Variants in YAF2 observed in about 807,000 individuals in gnomAD.
YAF2 encodes the protein YY1 associated factor 2, also known as YY1-associated factor 2.
YAF2 carries 7 observed loss-of-function variants against 20.1 expected under a neutral mutation model. The ratio of observed to expected loss-of-function variants is 0.35; its 90% CI spans 0.20 to 0.65. YAF2 has a LOEUF of 0.65. Among genes scored for constraint, YAF2 ranks in the 30% least tolerant of loss-of-function variants. The pLI, the probability that YAF2 is intolerant of heterozygous loss-of-function variation, is 0.69. For synonymous variants in YAF2, 74 were observed against 76.0 expected (o/e 0.97, Z 0.14); for missense variants, 151 against 219.2 (o/e 0.69, Z 1.96).
intron 2 of YAF2, among the ~76,000 whole-genome samples, chr12:42,176,275 T>C (rs113943409): frequency 4.4e-4 from 66 of 150,516 alleles, no homozygotes; most frequent in Non-Finnish European, 8.7e-4. Context: ...GAGTGCACCA[T>C]CACGCCAGCT....
chr12:42,204,876 C>T (rs1381728153), intron 2 of YAF2, among the ~76,000 whole-genome samples: 1 of 151,978 alleles, frequency 6.6e-6, no homozygotes, highest in Non-Finnish European at 1.5e-5. Flanking sequence ...GGCCAATCTA[C>T]AGAAATAAAA....
chr12:42,215,768 C>CA (rs1444652506), intron 2 of YAF2, among the ~76,000 whole-genome samples: 1 of 151,490 alleles, frequency 6.6e-6, no homozygotes, highest in Middle Eastern at 3.2e-3. Context: ...CTAAAAACAC[C>CA]AAAAAACATT....
At chr12:42,209,849 A>T (rs1364958542) in intron 2 of YAF2, among the ~76,000 whole-genome samples, 5 of 152,182 alleles carry the variant, frequency 3.3e-5, no homozygotes. Flanking sequence ...CCCAGGTTGG[A>T]GTGCAATGGC....
intron 2 of YAF2, chr12:42,199,528 G>T: frequency 5.4e-6 from 1 of 186,370 alleles, no homozygotes; most frequent in Admixed American, 5.8e-5. Context: ...AGGATGAAAT[G>T]AAATAGTACC....
intron 2 of YAF2, among the ~76,000 whole-genome samples, chr12:42,229,421 TAA>T (rs58885852): frequency 1.0e-3 from 149 of 143,276 alleles, no homozygotes; most frequent in East Asian, 3.0e-3. Flanking sequence ...AAAAATAAAT[TAA>T]AAAAAAAAAA....
intron 2 of YAF2, among the ~76,000 whole-genome samples, chr12:42,188,383 C>CCT (rs2066527191): frequency 1.7e-5 from 2 of 118,856 alleles, no homozygotes; most frequent in South Asian, 5.4e-4. Flanking sequence ...ATATATTTTG[C>CCT]TTTTTTTTTT....
At chr12:42,202,867 C>T (rs2066936708) in intron 2 of YAF2, among the ~76,000 whole-genome samples, 1 of 152,076 alleles carries the variant, frequency 6.6e-6, no homozygotes, top group Admixed American at 6.5e-5. Context: ...GAACTCCTGA[C>T]CTAAGGTGAT....
At chr12:42,165,777 T>G (rs939939864) in intron 2 of YAF2, among the ~76,000 whole-genome samples, 1 of 98,728 alleles carries the variant, frequency 1.0e-5, no homozygotes, top group South Asian at 4.0e-4. Flanking sequence ...GGCCAGGTTT[T>G]TTTTTTTTTT....
intron 2 of YAF2, chr12:42,232,314 T>A (rs147504713): frequency 1.5e-6 from 1 of 666,488 alleles, no homozygotes; most frequent in South Asian, 6.7e-5. Context: ...GCAAATAACA[T>A]CTTCAAATTA....
chr12:42,172,482 T>C (rs892054638), intron 2 of YAF2, among the ~76,000 whole-genome samples: 16 of 152,208 alleles, frequency 1.1e-4, no homozygotes, highest in African/African-American at 3.4e-4. Context: ...TACAATTTTA[T>C]ATAAGCCAAC....
At chr12:42,188,828 T>A (rs2137087336) in intron 2 of YAF2, among the ~76,000 whole-genome samples, 1 of 152,272 alleles carries the variant, frequency 6.6e-6, no homozygotes, top group African/African-American at 2.4e-5. Context: ...TGCAAGGCAC[T>A]GTGCTAAATG....
chr12:42,164,696 A>G (rs910125632), intron 2 of YAF2, among the ~76,000 whole-genome samples: 3 of 152,130 alleles, frequency 2.0e-5, no homozygotes, highest in Admixed American at 1.3e-4. Flanking sequence ...GCTGGACTAA[A>G]TCCATACATA....
rs1454480411 is a variant in YAF2 at position 42,157,568 on chromosome 12, T to C, written c.*3021A>G. The C allele has an allele frequency of 1.3e-5, 2 of 152,190 alleles. No individual in the cohort carries two copies. Among genetic ancestry groups the C allele is most frequent in the African/African-American group, 4.8e-5 (2 of 41,454 alleles). The allele number at this position is 152,190 out of a possible 1,614,324, so 9.4% of individuals were successfully genotyped here. On this transcript the variant is annotated 3_prime_UTR_variant, in exon 4 of 4. Transcript: ENST00000534854. The stretch of plus-strand genomic sequence containing the variant: ...GCAGAGGCTACATTCTTTCAGTCTA[T>C]AAGGATCTTTATCTAAAAGTTAATA...
In YAF2 at chr12:42,159,081, A is replaced by G. The variant is rs1198343492; in HGVS notation, c.*1508T>C. On this transcript the variant is annotated 3_prime_UTR_variant, in exon 4 of 4. Coordinates refer to ENST00000534854, the MANE Select transcript of YAF2 (RefSeq NM_005748.6). ...CACAGACTTTTACTGTATGCAATTAATTGTATTTCACAACTAGCATCTTAC... is the reference window on the plus strand; with the variant it reads ...CACAGACTTTTACTGTATGCAATTAGTTGTATTTCACAACTAGCATCTTAC... The G allele has an allele frequency of 6.6e-6, 1 of 152,166 alleles. No homozygotes were observed. The highest frequency in any genetic ancestry group is 2.4e-5 in the African/African-American group (1 of 41,472). The allele number at this position is 152,166 out of a possible 1,614,324, so 9.4% of individuals were successfully genotyped here.
chr12:42,176,211 C>CACA (rs2066187354), intron 2 of YAF2, among the ~76,000 whole-genome samples: 1 of 89,236 alleles, frequency 1.1e-5, no homozygotes, highest in Non-Finnish European at 2.5e-5. Flanking sequence ...GACTCTGTCT[C>CACA]AAAAAAAAAA....
intron 2 of YAF2, among the ~76,000 whole-genome samples, chr12:42,236,331 T>C (rs1484943078): frequency 6.6e-6 from 1 of 152,250 alleles, no homozygotes; most frequent in Non-Finnish European, 1.5e-5. Context: ...AAATACTTTT[T>C]TTCTTTTTGG....
chr12:42,170,010 A>G (rs2066006595), intron 2 of YAF2, among the ~76,000 whole-genome samples: 1 of 151,962 alleles, frequency 6.6e-6, no homozygotes, highest in Non-Finnish European at 1.5e-5. Context: ...AACTGGTACC[A>G]CAGGCACGCA....
At chr12:42,193,618 C>G (rs2066673372) in intron 2 of YAF2, among the ~76,000 whole-genome samples, 1 of 152,000 alleles carries the variant, frequency 6.6e-6, no homozygotes, top group Non-Finnish European at 1.5e-5. Context: ...GTGATCCTCC[C>G]ACCTCAGCCT....
At chr12:42,209,383 G>A (rs2067140716) in intron 2 of YAF2, among the ~76,000 whole-genome samples, 1 of 151,594 alleles carries the variant, frequency 6.6e-6, no homozygotes, top group Non-Finnish European at 1.5e-5. Flanking sequence ...GGGCAACATG[G>A]CAAAACCCCA....
Sources: allele counts gnomAD v4.1 joint callset (sites outside exome capture counted in the v4.1 genomes callset), GRCh38; gene constraint gnomAD v4.1.1; transcripts MANE v1.5; gene names NCBI Gene and HGNC (gene_info 2026-07-23, HGNC 2026-07-21).